CAMK1G: variants seen among roughly 807,000 people sequenced by gnomAD.
CAMK1G encodes calcium/calmodulin-dependent protein kinase type 1G.
CAMK1G carries 27 observed loss-of-function variants against 54.8 expected under a neutral mutation model. That is an observed-to-expected ratio of 0.49 (90% CI 0.36 to 0.68). CAMK1G has a LOEUF of 0.68. Among genes scored for constraint, CAMK1G ranks in the 30% least tolerant of loss-of-function variants. The pLI, the probability that CAMK1G is intolerant of heterozygous loss-of-function variation, is 0.00. For synonymous variants in CAMK1G, 238 were observed against 224.9 expected (o/e 1.06, Z -0.52); for missense variants, 512 against 591.0 (o/e 0.87, Z 1.39).
Position 209,600,106 on chromosome 1 carries a change from G to A in CAMK1G, c.216G>A (p.Leu72=). The change falls in exon 3 of 13, where the codon TTG becomes TTA. Residue 72 remains leucine, a synonymous_variant. Transcript: ENST00000361322. ...GCCTGGAGAATGAGATTGCTGTGTT[G>A]AAAAAGTGAGTGGGTCTTAGTGTTG... is the stretch of plus-strand genomic sequence containing the variant. ...DSSLENEIAV[L]KKIKHENIVT... 1 of 1,612,726 alleles carries A rather than the reference G, an allele frequency of 6.2e-7. No homozygotes were observed.
In CAMK1G at chr1:209,609,028, C is replaced by A; in HGVS notation, c.684C>A (p.Phe228Leu). The change falls in exon 8 of 13, where the codon TTC (phenylalanine) becomes TTA (leucine). Residue 228 changes from phenylalanine to leucine, a missense_variant. By Grantham distance (22) the Phe-to-Leu change is conservative. Transcript: ENST00000361322. ...ATGAAGAAACGGAGTCTAAGCTTTT[C>A]GAGAAGATCAAGGAGGGCTACTATG... ...PFYEETESKL[F>L]EKIKEGYYEF... The A allele has an allele frequency of 6.2e-7, 1 of 1,614,064 alleles. No individual in the cohort carries two copies. Among genetic ancestry groups the A allele is most frequent in the Non-Finnish European group, 8.5e-7 (1 of 1,180,002 alleles).
chr1:209,607,316 A>G (rs768276347), intron 6 of CAMK1G, among the ~76,000 whole-genome samples: 11 of 152,130 alleles, frequency 7.2e-5, no homozygotes, highest in Non-Finnish European at 1.5e-4. Flanking sequence ...AAAGCTCTCT[A>G]TCTGATGGGA....
At chr1:209,605,711 T>C in intron 5 of CAMK1G, 37 bp downstream of exon 5, 1 of 1,600,818 alleles carries the variant, frequency 6.2e-7, no homozygotes, top group Non-Finnish European at 8.5e-7. Context: ...AAACAGATAA[T>C]GACCCTTAAG....
rs533459859 is a variant in CAMK1G at position 209,593,212 on chromosome 1, G to A, written c.-29-1743G>A. 4.9e-4 allele frequency among the ~76,000 whole-genome samples: 75 copies of A among 152,306 alleles called. 1 individual carries two copies. The South Asian group carries it at 0.015, about 31-fold the overall frequency. On this transcript the variant is annotated intron_variant, in intron 1 of 12. Coordinates refer to ENST00000361322, the MANE Select transcript of CAMK1G (RefSeq NM_020439.3). Reference sequence around the variant, plus strand: ...AACTCAGGTTGGCCTCCAAAACTATGCTCTTCACTTAATGCTGAATTGTAG... The same window carrying A: ...AACTCAGGTTGGCCTCCAAAACTATACTCTTCACTTAATGCTGAATTGTAG...
At chr1:209,611,684 G>A (rs1447491490) in intron 10 of CAMK1G, 108 bp from the exon 11 acceptor site, 1 of 1,485,656 alleles carries the variant, frequency 6.7e-7, no homozygotes, top group East Asian at 2.3e-5. Flanking sequence ...TCTCTGAAAT[G>A]AGAAGTGGGC....
chr1:209,599,215 T>C (rs1008757460), intron 2 of CAMK1G, among the ~76,000 whole-genome samples: 6 of 152,208 alleles, frequency 3.9e-5, no homozygotes, highest in African/African-American at 1.4e-4. Flanking sequence ...CTCTACCTGG[T>C]CTCTCCCTTG....
At chr1:209,608,936 G>A in intron 7 of CAMK1G, 44 bp from the exon 8 acceptor site, 1 of 1,611,016 alleles carries the variant, frequency 6.2e-7, no homozygotes, top group Non-Finnish European at 8.5e-7. Context: ...GCTCAGGGAG[G>A]ACAGGTTTGT....
At chr1:209,593,449 A>C (rs1016158760) in intron 1 of CAMK1G, among the ~76,000 whole-genome samples, 1 of 152,280 alleles carries the variant, frequency 6.6e-6, no homozygotes, top group Middle Eastern at 3.4e-3. Flanking sequence ...GACACCTGGT[A>C]CCCTGCCATT....
At chr1:209,612,625 G>A (rs149296307) in intron 11 of CAMK1G, 160 bp from the exon 12 acceptor site, 50 of 172,104 alleles carry the variant, frequency 2.9e-4, no homozygotes, top group African/African-American at 1.1e-3. Flanking sequence ...AGGGGGGCTT[G>A]GTTATCTTTA....
chr1:209,606,168 G>A, intron 5 of CAMK1G, 152 bp from the exon 6 acceptor site: 2 of 960,284 alleles, frequency 2.1e-6, no homozygotes, highest in Non-Finnish European at 3.2e-6. Context: ...TGAGGGTGCA[G>A]GTAGGAGGAA....
chr1:209,602,078 A>T (rs1300501741), intron 3 of CAMK1G, among the ~76,000 whole-genome samples: 1 of 152,134 alleles, frequency 6.6e-6, no homozygotes, highest in Non-Finnish European at 1.5e-5. Flanking sequence ...TGCTAATATG[A>T]TTATTCTGCT....
chr1:209,606,390 A>G lies in CAMK1G; in HGVS notation c.506A>G (p.Lys169Arg), dbSNP rs1558140458. ...ATGATCACTGACTTTGGTCTGTCCA[A>G]GATGGAACAGAATGGCATCATGTCC... ...KIMITDFGLS[K>R]MEQNGIMSTA... The change falls in exon 6 of 13, where the codon AAG (lysine) becomes AGG (arginine). Residue 169 changes from lysine to arginine, a missense_variant. Coordinates refer to ENST00000361322, the MANE Select transcript of CAMK1G (RefSeq NM_020439.3). 2.5e-6 allele frequency: 4 copies of G among 1,614,166 alleles called. No individual in the cohort carries two copies. The highest frequency in any genetic ancestry group is 2.5e-6 in the Non-Finnish European group (3 of 1,179,980).
At chr1:209,605,718 T>A in intron 5 of CAMK1G, 44 bp downstream of exon 5, 1 of 1,589,808 alleles carries the variant, frequency 6.3e-7, no homozygotes, top group Non-Finnish European at 8.6e-7. Context: ...TAATGACCCT[T>A]AAGGAAGCTG....
intron 1 of CAMK1G, among the ~76,000 whole-genome samples, chr1:209,592,108 G>A (rs7541558): frequency 0.44 from 67,359 of 151,668 alleles, 15,048 homozygotes; most frequent in Non-Finnish European, 0.46. Context: ...GCACATTGGG[G>A]GGCGAAGATG....
In CAMK1G at chr1:209,612,826, G is replaced by A; in HGVS notation, c.1382G>A (p.Gly461Asp). The change falls in exon 12 of 13, where the codon GGC becomes GAC. Residue 461 changes from glycine to aspartate, a missense_variant. By Grantham distance (94) the Gly-to-Asp change is moderately conservative. Coordinates refer to ENST00000361322, the MANE Select transcript of CAMK1G (RefSeq NM_020439.3). Reference sequence around the variant, plus strand: ...GTCATGGTACCAGTTAAAGCCAGTGGCAGCTCCCACTGCCGGGCAGGGCAG... The same window carrying A: ...GTCATGGTACCAGTTAAAGCCAGTGACAGCTCCCACTGCCGGGCAGGGCAG... ...SEVMVPVKAS[G>D]SSHCRAGQTG... The A allele has an allele frequency of 6.2e-7, 1 of 1,614,112 alleles. No homozygotes were observed. The highest frequency in any genetic ancestry group is 1.1e-5 in the South Asian group (1 of 91,086).
intron 7 of CAMK1G, among the ~76,000 whole-genome samples, chr1:209,608,407 T>C (rs1255050304): frequency 6.6e-6 from 1 of 151,954 alleles, no homozygotes; most frequent in African/African-American, 2.4e-5. Context: ...ATTCCCAAGC[T>C]CTCCCTTTCC....
intron 3 of CAMK1G, among the ~76,000 whole-genome samples, chr1:209,601,061 C>T (rs906380098): frequency 6.6e-6 from 1 of 152,118 alleles, no homozygotes; most frequent in Admixed American, 6.6e-5. Context: ...TGGCTTTATT[C>T]TGTGGGCAAA....
Position 209,600,057 on chromosome 1 carries a change from A to C in CAMK1G, c.167A>C (p.Lys56Thr), listed in dbSNP as rs1319168163. 1 of 1,614,052 alleles carries C rather than the reference A, an allele frequency of 6.2e-7. No homozygotes were observed. Among genetic ancestry groups the C allele is most frequent in the South Asian group, 1.1e-5 (1 of 91,082 alleles). The change falls in exon 3 of 13, where the codon AAG becomes ACG. Residue 56 changes from lysine to threonine, a missense_variant. This residue lies in a region of CAMK1G where 186 missense variants were observed against 231.5 expected (regional missense o/e 0.80). Coordinates refer to ENST00000361322, the MANE Select transcript of CAMK1G (RefSeq NM_020439.3). ...GKLFALKCIK[K>T]SPAFRDSSLE... ...CTCTTTGCTCTGAAGTGCATCAAGAAGTCACCTGCCTTCCGGGACAGCAGC... is the reference window on the plus strand; with the variant it reads ...CTCTTTGCTCTGAAGTGCATCAAGACGTCACCTGCCTTCCGGGACAGCAGC...
At chr1:209,596,659 CA>C in intron 2 of CAMK1G, among the ~76,000 whole-genome samples, 1 of 124,954 alleles carries the variant, frequency 8.0e-6, no homozygotes, top group Non-Finnish European at 1.7e-5. Flanking sequence ...ATCACACACA[CA>C]CCACACACAC....
Sources: allele counts gnomAD v4.1 joint callset (sites outside exome capture counted in the v4.1 genomes callset), GRCh38; gene constraint gnomAD v4.1.1; regional missense constraint gnomAD v4.1.1; transcripts MANE v1.5; gene names NCBI Gene and HGNC (gene_info 2026-07-23, HGNC 2026-07-21).